Variants in SUPT5H observed in about 807,000 individuals in gnomAD.
The protein encoded by SUPT5H is transcription elongation factor SPT5.
SUPT5H carries 24 observed loss-of-function variants against 142.5 expected under a neutral mutation model. The observed-to-expected ratio is 0.17, with a 90% CI of 0.12 to 0.24. SUPT5H has a LOEUF of 0.24. Ranked by LOEUF, SUPT5H falls within the 10% of genes least tolerant of loss-of-function variation. The probability of loss-of-function intolerance (pLI) is 1.00; values close to 1 mark genes in which losing one functional copy is unlikely to be tolerated. For missense variants in SUPT5H, 893 were observed against 1,471.8 expected (o/e 0.61, Z 6.43); for synonymous variants, 546 against 553.0 (o/e 0.99, Z 0.18).
rs1240032962 is a variant in SUPT5H at position 39,474,912 on chromosome 19, T to TCCTTC, written c.3024+194_3024+195insCCTTC. 1.9e-5 allele frequency: 12 copies of TCCTTC among 639,538 alleles called. No individual in the cohort carries two copies. Among genetic ancestry groups the TCCTTC allele is most frequent in the East Asian group, 8.2e-5 (3 of 36,394 alleles). The allele number at this position is 639,538 out of a possible 1,614,324, so 39.6% of individuals were successfully genotyped here. A position where few individuals can be genotyped will look rare whatever the true frequency, so the allele number is the denominator to read the frequency against. Reference sequence around the variant, plus strand: ...GATTTAGCGGGGAATCAGGGAGGGCTGCCTGGGGAAGGAGAAATCTGAGCC... The same window carrying TCCTTC: ...GATTTAGCGGGGAATCAGGGAGGGCTCCTTCGCCTGGGGAAGGAGAAATCTGAGCC... On this transcript the variant is annotated intron_variant, in intron 28 of 29. Transcript: ENST00000432763. The surrounding 1 kb of genome is among the most constrained non-coding windows in gnomAD (Gnocchi z 6.5).
chr19:39,474,832 G>A lies in SUPT5H; in HGVS notation c.3024+114G>A. On this transcript the variant is annotated intron_variant, in intron 28 of 29. Transcript: ENST00000432763. The surrounding 1 kb of genome is among the most constrained non-coding windows in gnomAD (Gnocchi z 6.5). ...GCCCAGAGTGGGCAGAGCTGGGATT[G>A]AGGAAGCCTAGAGGGCAAGGGGAGC... 1 of 1,230,764 alleles carries A rather than the reference G, an allele frequency of 8.1e-7. No individual in the cohort carries two copies. The highest frequency in any genetic ancestry group is 1.4e-5 in the South Asian group (1 of 69,484). The allele number at this position is 1,230,764 out of a possible 1,614,324, so 76.2% of individuals were successfully genotyped here.
chr19:39,459,427 A>AG (rs1281852359), intron 8 of SUPT5H, 132 bp from the exon 9 acceptor site: 1 of 1,362,450 alleles, frequency 7.3e-7, no homozygotes, highest in Non-Finnish European at 1.0e-6. Flanking sequence ...CCTGGGTAGA[A>AG]GCGTGGGGAA....
chr19:39,458,123 C>T lies in SUPT5H; in HGVS notation c.308-171C>T, dbSNP rs1393081661. 5.1e-6 allele frequency: 6 copies of T among 1,167,280 alleles called. 1 individual carries two copies. The highest frequency in any genetic ancestry group is 5.1e-5 in the Admixed American group (2 of 39,176). 72.3% of individuals were successfully genotyped at this position (1,167,280 alleles called of 1,614,324 possible). ...CGGCTTCTCCCCAACCACCTGGTGC[C>T]TGGCCTTTACTTTTGGTTTTCAACC... On this transcript the variant is annotated intron_variant, in intron 4 of 29. Coordinates refer to ENST00000432763, the MANE Select transcript of SUPT5H (RefSeq NM_001111020.3). This position sits in a 1 kb window ranked among gnomAD's most constrained non-coding sequence, Gnocchi z 4.2.
intron 8 of SUPT5H, 64 bp from the exon 9 acceptor site, chr19:39,459,495 G>T (rs1031430292): frequency 1.3e-6 from 2 of 1,598,590 alleles, no homozygotes; most frequent in South Asian, 1.1e-5. Context: ...GGCCCTGGGG[G>T]TTCGTCTGTT....
chr19:39,450,280 G>GTT (rs879886198), intron 2 of SUPT5H, among the ~76,000 whole-genome samples: 4 of 146,118 alleles, frequency 2.7e-5, no homozygotes, highest in African/African-American at 5.0e-5. Flanking sequence ...GGGAGGCACA[G>GTT]TTTTTTTTTT....
chr19:39,474,717 C>T lies in SUPT5H; in HGVS notation c.3023C>T (p.Thr1008Met), dbSNP rs780261041. The change falls in exon 28 of 30, where the codon ACG (threonine) becomes ATG (methionine). Residue 1008 changes from threonine to methionine, a missense_variant and splice_region_variant. This residue lies in a region of SUPT5H where 336 missense variants were observed against 546.5 expected (regional missense o/e 0.61). Transcript: ENST00000432763. This position sits in a 1 kb window ranked among gnomAD's most constrained non-coding sequence, Gnocchi z 6.5. The stretch of plus-strand genomic sequence containing the variant: ...CAGACAGGTGTCATCCGCAGTGTCA[C>T]GGTACGTGGGGCCCAGGGTGGTGGG... Reference protein sequence around the residue: ...VGQTGVIRSVTGGMCSVYLKD... With the variant: ...VGQTGVIRSVMGGMCSVYLKD... 1.2e-6 allele frequency: 2 copies of T among 1,608,978 alleles called. No individual in the cohort carries two copies. Among genetic ancestry groups the T allele is most frequent in the Non-Finnish European group, 1.7e-6 (2 of 1,177,564 alleles).
Position 39,466,464 on chromosome 19 carries a change from T to G in SUPT5H, c.877-16T>G. 2 of 1,613,198 alleles carry G rather than the reference T, an allele frequency of 1.2e-6. No homozygotes were observed. The highest frequency in any genetic ancestry group is 8.5e-7 in the Non-Finnish European group (1 of 1,179,782). The stretch of plus-strand genomic sequence containing the variant: ...GGAGAGTGGGGCCCTGCTGACCTTC[T>G]GCTCGCCCTGCTCAGGTGGACTACG... On this transcript the variant is annotated splice_polypyrimidine_tract_variant and intron_variant, in intron 11 of 29. Coordinates refer to ENST00000432763, the MANE Select transcript of SUPT5H (RefSeq NM_001111020.3). The surrounding 1 kb of genome is among the most constrained non-coding windows in gnomAD (Gnocchi z 4.3).
At position 39,458,233 on chromosome 19, in the gene SUPT5H, C is replaced by CACG; in HGVS notation, c.308-59_308-58insGAC. ...GGCTCATACTTTGTCTGCCCTCGCCCACCACCACCACCACCACCACCACCA... is the reference window on the plus strand; with the variant it reads ...GGCTCATACTTTGTCTGCCCTCGCCCACGACCACCACCACCACCACCACCACCA... On this transcript the variant is annotated intron_variant, in intron 4 of 29. Transcript: ENST00000432763. This position sits in a 1 kb window ranked among gnomAD's most constrained non-coding sequence, Gnocchi z 4.2. 1 of 245,182 alleles carries CACG rather than the reference C, an allele frequency of 4.1e-6. No homozygotes were observed. The highest frequency in any genetic ancestry group is 4.9e-6 in the Non-Finnish European group (1 of 204,034). 15.2% of individuals were successfully genotyped at this position (245,182 alleles called of 1,614,324 possible).
intron 3 of SUPT5H, among the ~76,000 whole-genome samples, chr19:39,454,213 T>C (rs1372154660): frequency 6.6e-6 from 1 of 152,232 alleles, no homozygotes; most frequent in East Asian, 1.9e-4. Flanking sequence ...AAATGCTAAA[T>C]TTCAATTCCA....
chr19:39,462,536 G>T (rs10404004), intron 10 of SUPT5H, among the ~76,000 whole-genome samples: 65,684 of 145,816 alleles, frequency 0.45, 15,118 homozygotes, highest in African/African-American at 0.6. Context: ...TCATTTTTTT[G>T]TTTGTTTTTT....
rs770412349 is a variant in SUPT5H, at chr19:39,473,211, G to A, written c.2267G>A (p.Arg756Gln). The change falls in exon 24 of 30, where the codon CGG becomes CAG. Residue 756 changes from arginine to glutamine, a missense_variant. Around this residue, in one of 6 missense-constraint regions of SUPT5H, gnomAD observed 336 missense variants for 546.5 expected, o/e 0.61. Coordinates refer to ENST00000432763, the MANE Select transcript of SUPT5H (RefSeq NM_001111020.3). The surrounding 1 kb of genome is among the most constrained non-coding windows in gnomAD (Gnocchi z 5.8). The stretch of plus-strand genomic sequence containing the variant: ...GTTCTCTGCGTCCCCAGGGGCTCAC[G>A]GCGCCCGGGCGGCATGACCTCGACC... Reference protein sequence around the residue: ...DRQRLTTVGSRRPGGMTSTYG... With the variant: ...DRQRLTTVGSQRPGGMTSTYG... 5 of 1,612,408 alleles carry A rather than the reference G, an allele frequency of 3.1e-6. No homozygotes were observed. Among genetic ancestry groups the A allele is most frequent in the Non-Finnish European group, 4.2e-6 (5 of 1,179,942 alleles).
At position 39,472,622 on chromosome 19, in the gene SUPT5H, G is replaced by T; in HGVS notation, c.2035+129G>T. ...GCTATTAGGGGTTCACCACCCACAG[G>T]AGGGTAGACGCCACAGTGACAGCCC... On this transcript the variant is annotated intron_variant, in intron 21 of 29. Transcript: ENST00000432763. This position sits in a 1 kb window ranked among gnomAD's most constrained non-coding sequence, Gnocchi z 4.2. 1.5e-6 allele frequency: 2 copies of T among 1,370,638 alleles called. No individual in the cohort carries two copies. The highest frequency in any genetic ancestry group is 1.0e-6 in the Non-Finnish European group (1 of 1,004,676). 84.9% of individuals were successfully genotyped at this position (1,370,638 alleles called of 1,614,324 possible). A position where few individuals can be genotyped will look rare whatever the true frequency, so the allele number is the denominator to read the frequency against.
At position 39,476,272 on chromosome 19, in the gene SUPT5H, G is replaced by A. The variant is rs2146135801; in HGVS notation, c.3137G>A (p.Gly1046Asp). The A allele has an allele frequency of 1.2e-6, 2 of 1,614,112 alleles. No individual in the cohort carries two copies. Among genetic ancestry groups the A allele is most frequent in the Non-Finnish European group, 1.7e-6 (2 of 1,180,032 alleles). The change falls in exon 30 of 30, where the codon GGC becomes GAC. Residue 1046 changes from glycine to aspartate, a missense_variant. Physicochemically the swap from Gly to Asp is moderately conservative, Grantham distance 94. This residue lies in a region of SUPT5H where 336 missense variants were observed against 546.5 expected (regional missense o/e 0.61). Transcript: ENST00000432763. ...CACCCCCAGGTGAAAGTGATCCTGGGCGAGGATCGGGAAGCCACGGGCGTC... is the reference window on the plus strand; with the variant it reads ...CACCCCCAGGTGAAAGTGATCCTGGACGAGGATCGGGAAGCCACGGGCGTC... ...TKNNKVKVIL[G>D]EDREATGVLL... is the part of the protein sequence containing the mutation.
rs950741814 is a variant in SUPT5H at position 39,472,300 on chromosome 19, T to C, written c.1951-109T>C. 7 of 991,854 alleles carry C rather than the reference T, an allele frequency of 7.1e-6. No individual in the cohort carries two copies. The South Asian group carries it at 9.8e-5, about 14-fold the overall frequency. 61.4% of individuals were successfully genotyped at this position (991,854 alleles called of 1,614,324 possible). On this transcript the variant is annotated intron_variant, in intron 20 of 29. Coordinates refer to ENST00000432763, the MANE Select transcript of SUPT5H (RefSeq NM_001111020.3). The surrounding 1 kb of genome is among the most constrained non-coding windows in gnomAD (Gnocchi z 4.2). ...CACAGAGGAATTCAGGCCTGGGGTG[T>C]GGGTGGCTGGGTGGTCTCCTCAGGG...
intron 10 of SUPT5H, among the ~76,000 whole-genome samples, chr19:39,462,840 T>TTTC (rs1304407266): frequency 1.1e-4 from 4 of 36,688 alleles, no homozygotes; most frequent in African/African-American, 2.3e-4. Context: ...CTTAATTTTC[T>TTTC]TTTTTTTTTT....
intron 13 of SUPT5H, 104 bp from the exon 14 acceptor site, chr19:39,468,652 T>G (rs2079275826): frequency 1.0e-6 from 1 of 995,264 alleles, no homozygotes; most frequent in Non-Finnish European, 1.6e-6. Flanking sequence ...TGGGTCAGTC[T>G]GCCTGTGGTC....
chr19:39,459,861 A>G, intron 9 of SUPT5H, 31 bp from the exon 10 acceptor site: 1 of 1,611,602 alleles, frequency 6.2e-7, no homozygotes, highest in Non-Finnish European at 8.5e-7. Context: ...CCATCCTGTC[A>G]TCTCTCTCAA....
chr19:39,448,565 C>G (rs562566114), intron 2 of SUPT5H, among the ~76,000 whole-genome samples: 1 of 152,176 alleles, frequency 6.6e-6, no homozygotes, highest in East Asian at 1.9e-4. Flanking sequence ...CTTGACCCCC[C>G]ACCCCCGCCG....
intron 3 of SUPT5H, among the ~76,000 whole-genome samples, chr19:39,453,988 A>G (rs2079053972): frequency 6.6e-6 from 1 of 152,372 alleles, no homozygotes; most frequent in Non-Finnish European, 1.5e-5. Flanking sequence ...ATTGAAGTAC[A>G]GTTATCAGAA....
Sources: allele counts gnomAD v4.1 joint callset (sites outside exome capture counted in the v4.1 genomes callset), GRCh38; gene constraint gnomAD v4.1.1; regional missense constraint gnomAD v4.1.1; non-coding constraint Gnocchi (gnomAD v3.1); transcripts MANE v1.5; gene names NCBI Gene and HGNC (gene_info 2026-07-23, HGNC 2026-07-21).